Variants in CFAP299 observed in about 807,000 individuals in gnomAD.
CFAP299 encodes cilia and flagella associated protein 299, also known as cilia- and flagella-associated protein 299.
A neutral mutation model predicts 27.0 loss-of-function variants in CFAP299; 21 were observed. That is an observed-to-expected ratio of 0.78 (90% CI 0.55 to 1.12). The LOEUF (loss-of-function observed/expected upper bound fraction) is 1.12. Among genes scored for constraint, CFAP299 ranks in the 50% most tolerant of loss-of-function variants. The probability of loss-of-function intolerance (pLI) is 0.00; values close to 1 mark genes in which losing one functional copy is unlikely to be tolerated. For missense variants in CFAP299, 310 were observed against 276.6 expected, an observed-to-expected ratio of 1.12 and a Z score of -0.86; for synonymous variants, 104 against 98.1, an observed-to-expected ratio of 1.06 and a Z score of -0.36.
chr4:80,324,104 T>C, the CFAP299 span, among the ~76,000 whole-genome samples: 1 of 152,156 alleles, frequency 6.6e-6, no homozygotes, highest in African/African-American at 2.4e-5. Context: ...CCCACATGCA[T>C]TAGGCATTTG....
At chr4:80,337,862 GGTATATATATGTTTACATATATAT>G (rs1722230321) in intron 1 of CFAP299, among the ~76,000 whole-genome samples, 1 of 151,978 alleles carries the variant, frequency 6.6e-6, no homozygotes, top group South Asian at 2.1e-4. Flanking sequence ...TAATTAGACA[GGTATATATATGTTTACATATATAT>G]GTATATATTT....
chr4:80,742,409 T>C (rs140996052), intron 3 of CFAP299, among the ~76,000 whole-genome samples: 3 of 152,312 alleles, frequency 2.0e-5, no homozygotes, highest in East Asian at 1.9e-4. Flanking sequence ...TTTTAGTTTC[T>C]AATAAGTGCC....
chr4:80,603,596 T>C (rs1486234551), intron 3 of CFAP299, among the ~76,000 whole-genome samples: 2 of 152,192 alleles, frequency 1.3e-5, no homozygotes, highest in Non-Finnish European at 2.9e-5. Context: ...ATAAAAGTTG[T>C]TTCAAAGGAA....
intron 3 of CFAP299, among the ~76,000 whole-genome samples, chr4:80,711,517 G>A (rs529296133): frequency 3.6e-4 from 55 of 152,218 alleles, no homozygotes; most frequent in Non-Finnish European, 4.7e-4. Flanking sequence ...GGACCTAGGC[G>A]TGACAACTGG....
At chr4:80,411,300 A>G (rs1258024778) in intron 2 of CFAP299, among the ~76,000 whole-genome samples, 4 of 152,162 alleles carry the variant, frequency 2.6e-5, no homozygotes, top group African/African-American at 9.6e-5. Context: ...ATATGTATAA[A>G]CTGGCACTTA....
chr4:80,387,581 A>C (rs950617678), intron 2 of CFAP299: 1 of 1,107,350 alleles, frequency 9.0e-7, no homozygotes, highest in Non-Finnish European at 1.4e-6. Flanking sequence ...TTCAGGGCCA[A>C]GACCTGTACA....
intron 4 of CFAP299, among the ~76,000 whole-genome samples, chr4:80,883,072 A>G (rs898181745): frequency 1.6e-5 from 2 of 126,264 alleles, no homozygotes; most frequent in Non-Finnish European, 3.0e-5. Flanking sequence ...AGACAAATGC[A>G]TAACAATATA....
chr4:80,737,219 C>T (rs1414258532), intron 3 of CFAP299, among the ~76,000 whole-genome samples: 3 of 150,976 alleles, frequency 2.0e-5, no homozygotes, highest in South Asian at 2.1e-4. Context: ...TGCTAGATGA[C>T]GAGTTAGTGG....
intron 2 of CFAP299, among the ~76,000 whole-genome samples, chr4:80,458,970 AT>A (rs1258589579): frequency 2.6e-5 from 4 of 151,638 alleles, no homozygotes; most frequent in African/African-American, 4.8e-5. Context: ...TTTTTTTTTA[AT>A]TTTTAATTTT....
intron 2 of CFAP299, among the ~76,000 whole-genome samples, chr4:80,494,851 T>A (rs1296339120): frequency 1.3e-5 from 2 of 152,160 alleles, no homozygotes; most frequent in Non-Finnish European, 2.9e-5. Context: ...ACATTCCCAT[T>A]TCAAAAGGGA....
At chr4:80,742,044 G>T (rs1033501881) in intron 3 of CFAP299, among the ~76,000 whole-genome samples, 2 of 152,086 alleles carry the variant, frequency 1.3e-5, no homozygotes, top group Admixed American at 1.3e-4. Context: ...TTATCTCTCT[G>T]CCCTGCATGA....
chr4:80,834,140 G>A (rs1730440973), intron 3 of CFAP299, among the ~76,000 whole-genome samples: 1 of 152,150 alleles, frequency 6.6e-6, no homozygotes, highest in South Asian at 2.1e-4. Context: ...TTTTCAAAGT[G>A]GATGTGTATT....
chr4:80,324,138 C>A, the CFAP299 span, among the ~76,000 whole-genome samples: 1 of 152,112 alleles, frequency 6.6e-6, no homozygotes, highest in Non-Finnish European at 1.5e-5. Context: ...ACTCCCCTTG[C>A]CCCCAACCCC....
At chr4:80,717,923 A>G (rs1471468910) in intron 3 of CFAP299, among the ~76,000 whole-genome samples, 3 of 152,124 alleles carry the variant, frequency 2.0e-5, no homozygotes, top group Non-Finnish European at 4.4e-5. Context: ...CTGTAATTTT[A>G]CAATCATTTT....
At chr4:80,567,173 T>G (rs1444286993) in intron 2 of CFAP299, among the ~76,000 whole-genome samples, 1 of 152,110 alleles carries the variant, frequency 6.6e-6, no homozygotes, top group East Asian at 1.9e-4. Context: ...TTGACTTTCT[T>G]CTGTGTGCCT....
rs549514004 is a variant in CFAP299 at position 80,801,185 on chromosome 4, G to GT, written c.334-68795dup. On this transcript the variant is annotated intron_variant, in intron 3 of 5. Coordinates refer to ENST00000358105, the MANE Select transcript of CFAP299 (RefSeq NM_152770.3). ...ACTCAGTACTGACCATCACACTATG[G>GT]TTTTTTTTTTTTTAACCTTTTGAAC... Among the ~76,000 whole-genome samples, 742 of 140,180 alleles carry GT rather than the reference G, an allele frequency of 5.3e-3. 4 individuals are homozygous for GT. Among genetic ancestry groups the GT allele is most frequent in the African/African-American group, 0.013 (504 of 38,510 alleles). The allele number at this position is 140,180 out of a possible 152,430, so 92.0% of individuals were successfully genotyped here.
rs142924255 is a variant in CFAP299 at position 80,407,671 on chromosome 4, G to C, written c.242+44787G>C. Reference sequence around the variant, plus strand: ...ATTCCACTTCTTTATAAGAGAACTTGAAAATTTGTATTGCAAAAGGTGTAG... The same window carrying C: ...ATTCCACTTCTTTATAAGAGAACTTCAAAATTTGTATTGCAAAAGGTGTAG... On this transcript the variant is annotated intron_variant, in intron 2 of 5. Coordinates refer to ENST00000358105, the MANE Select transcript of CFAP299 (RefSeq NM_152770.3). Among the ~76,000 whole-genome samples, 549 of 152,262 alleles carry C rather than the reference G, an allele frequency of 3.6e-3. 3 individuals carry two copies. Among genetic ancestry groups the C allele is most frequent in the African/African-American group, 0.012 (517 of 41,548 alleles).
intron 3 of CFAP299, among the ~76,000 whole-genome samples, chr4:80,646,934 T>C (rs566698377): frequency 6.6e-6 from 1 of 152,232 alleles, no homozygotes; most frequent in East Asian, 1.9e-4. Flanking sequence ...AAAATATGTT[T>C]GAAACTAGGT....
chr4:80,580,239 G>A (rs1319810630), intron 2 of CFAP299, among the ~76,000 whole-genome samples: 1 of 152,038 alleles, frequency 6.6e-6, no homozygotes, highest in Non-Finnish European at 1.5e-5. Context: ...ACATTCTCAT[G>A]AGGTGAAATG....
Sources: allele counts gnomAD v4.1 joint callset (sites outside exome capture counted in the v4.1 genomes callset), GRCh38; gene constraint gnomAD v4.1.1; transcripts MANE v1.5; gene names NCBI Gene and HGNC (gene_info 2026-07-23, HGNC 2026-07-21).